RABGAP1L: variants seen among roughly 807,000 people sequenced by gnomAD.
RABGAP1L encodes the protein rab GTPase-activating protein 1-like.
Under a neutral mutation model 137.7 loss-of-function variants are expected in RABGAP1L, and 63 were observed. The observed-to-expected ratio is 0.46, with a 90% CI of 0.37 to 0.56. The LOEUF is 0.56. Ranked by LOEUF, RABGAP1L falls within the 20% of genes least tolerant of loss-of-function variation. RABGAP1L has a pLI of 0.00. For missense variants in RABGAP1L, 1,095 were observed against 1,244.0 expected (o/e 0.88, Z 1.80); for synonymous variants, 431 against 433.7 (o/e 0.99, Z 0.08).
intron 14 of RABGAP1L, among the ~76,000 whole-genome samples, chr1:174,644,027 G>A (rs1006957347): frequency 3.3e-5 from 5 of 151,668 alleles, no homozygotes; most frequent in Admixed American, 2.6e-4. Flanking sequence ...TATTGTATTT[G>A]TTAGTATCAT....
chr1:174,882,828 A>G (rs1654457045), intron 19 of RABGAP1L, among the ~76,000 whole-genome samples: 1 of 151,404 alleles, frequency 6.6e-6, no homozygotes, highest in Non-Finnish European at 1.5e-5. Context: ...AGAACATAAG[A>G]GCTTTTTTTT....
chr1:174,718,213 A>G, intron 17 of RABGAP1L, among the ~76,000 whole-genome samples: 1 of 152,108 alleles, frequency 6.6e-6, no homozygotes, highest in East Asian at 1.9e-4. Flanking sequence ...TTGGTTATTC[A>G]ATCTCACCTA....
chr1:174,238,085 A>T (rs376201225), intron 4 of RABGAP1L, among the ~76,000 whole-genome samples: 1 of 151,960 alleles, frequency 6.6e-6, no homozygotes, highest in Non-Finnish European at 1.5e-5. Flanking sequence ...CTTCTGCATT[A>T]TTCACGTAGT....
At chr1:174,303,866 T>C (rs12069450) in intron 10 of RABGAP1L, among the ~76,000 whole-genome samples, 9,569 of 152,242 alleles carry the variant, frequency 0.063, 973 homozygotes, top group African/African-American at 0.21. Context: ...AAGACAGTTA[T>C]ATTGTTTGTA....
chr1:174,853,568 A>G lies in RABGAP1L; in HGVS notation c.2340+41608A>G, dbSNP rs574331612. On this transcript the variant is annotated intron_variant, in intron 19 of 25. Transcript: ENST00000681986. ...AACACGGTGAAACCCTGTCTCTACT[A>G]AAAATACAAAAAATTAGCCAGGCAT... is the stretch of plus-strand genomic sequence containing the variant. Among the ~76,000 whole-genome samples the G allele has an allele frequency of 2.0e-5, 3 of 152,232 alleles. No individual in the cohort carries two copies. In the South Asian group the frequency reaches 6.2e-4, roughly 32 times the overall value.
chr1:174,422,764 A>T (rs1013300758), intron 13 of RABGAP1L, among the ~76,000 whole-genome samples: 5 of 152,024 alleles, frequency 3.3e-5, no homozygotes, highest in African/African-American at 1.2e-4. Context: ...CTTGGCCAAC[A>T]TGGTGAAACT....
At chr1:174,580,531 A>G (rs1668662856) in intron 13 of RABGAP1L, among the ~76,000 whole-genome samples, 1 of 152,116 alleles carries the variant, frequency 6.6e-6, no homozygotes, top group African/African-American at 2.4e-5. Flanking sequence ...TATCACAAGG[A>G]CAAAATCTAA....
intron 11 of RABGAP1L, among the ~76,000 whole-genome samples, chr1:174,345,939 G>GAAGGGATTTTGTATCC (rs1682387703): frequency 6.6e-6 from 1 of 151,704 alleles, no homozygotes; most frequent in Non-Finnish European, 1.5e-5. Context: ...GTTTTTTTTT[G>GAAGGGATTTTGTATCC]AGGGGTTTTA....
chr1:174,578,652 ACT>A, intron 13 of RABGAP1L, among the ~76,000 whole-genome samples: 1 of 152,186 alleles, frequency 6.6e-6, no homozygotes, highest in Non-Finnish European at 1.5e-5. Context: ...ATATAAATAA[ACT>A]GATCCACTGT....
At chr1:174,185,727 C>T (rs889920202) in intron 1 of RABGAP1L, among the ~76,000 whole-genome samples, 1 of 152,170 alleles carries the variant, frequency 6.6e-6, no homozygotes, top group African/African-American at 2.4e-5. Flanking sequence ...CCTTCCTGCA[C>T]CCCCTTTGAA....
chr1:174,213,197 G>A (rs941660084), intron 1 of RABGAP1L, among the ~76,000 whole-genome samples: 64 of 152,196 alleles, frequency 4.2e-4, no homozygotes, highest in African/African-American at 1.5e-3. Context: ...GGCTGAGGTG[G>A]GTGGATCACC....
chr1:174,503,677 A>T lies in RABGAP1L; in HGVS notation c.1710+109532A>T, dbSNP rs925013138. 1.4e-5 allele frequency among the ~76,000 whole-genome samples: 2 copies of T among 148,044 alleles called. 1 individual carries two copies. On this transcript the variant is annotated intron_variant, in intron 13 of 25. Transcript: ENST00000681986. ...CTCCGTCAAAAAAAAAAAAAAAAAG[A>T]AATGTAAATACAAAAAAAATCAGTT...
chr1:174,513,103 A>T (rs1662499145), intron 13 of RABGAP1L, among the ~76,000 whole-genome samples: 1 of 152,206 alleles, frequency 6.6e-6, no homozygotes, highest in African/African-American at 2.4e-5. Context: ...TATTATAGCC[A>T]AATGATGCTT....
At chr1:174,542,250 G>A (rs1429318778) in intron 13 of RABGAP1L, among the ~76,000 whole-genome samples, 2 of 152,124 alleles carry the variant, frequency 1.3e-5, no homozygotes, top group Non-Finnish European at 2.9e-5. Context: ...GTAAGCTATT[G>A]ATTATTGCCT....
intron 19 of RABGAP1L, chr1:174,849,722 C>T (rs567226115): frequency 4.9e-4 from 220 of 451,216 alleles, no homozygotes; most frequent in African/African-American, 1.8e-3. Flanking sequence ...CTTCTGAATT[C>T]GCATCTTTCT....
Position 174,761,105 on chromosome 1 carries a change from G to A in RABGAP1L, c.2211+8751G>A, listed in dbSNP as rs1391330345. On this transcript the variant is annotated intron_variant, in intron 18 of 25. Coordinates refer to ENST00000681986, the MANE Select transcript of RABGAP1L (RefSeq NM_001366446.1). The surrounding 1 kb of genome is among the most constrained non-coding windows in gnomAD (Gnocchi z 4.0). ...AGGTTTAATGGACTTACAGTTCCAC[G>A]TGGCTGGGCCAGGCCTCACAATCAT... Among the ~76,000 whole-genome samples, 4 of 152,186 alleles carry A rather than the reference G, an allele frequency of 2.6e-5. No homozygotes were observed. The highest frequency in any genetic ancestry group is 5.9e-5 in the Non-Finnish European group (4 of 68,036).
intron 13 of RABGAP1L, among the ~76,000 whole-genome samples, chr1:174,615,507 G>A (rs535745812): frequency 5.9e-5 from 9 of 152,196 alleles, no homozygotes; most frequent in Non-Finnish European, 1.3e-4. Flanking sequence ...CTCCCAGTTA[G>A]GCTTCTCAGG....
chr1:174,615,306 A>C (rs1671710500), intron 13 of RABGAP1L, among the ~76,000 whole-genome samples: 1 of 152,202 alleles, frequency 6.6e-6, no homozygotes, highest in Admixed American at 6.5e-5. Flanking sequence ...CAGGACCCTC[A>C]GCTGCAGGTC....
intron 14 of RABGAP1L, among the ~76,000 whole-genome samples, chr1:174,679,407 A>G (rs1677884449): frequency 6.6e-6 from 1 of 152,230 alleles, no homozygotes; most frequent in South Asian, 2.1e-4. Flanking sequence ...TCAGCAACGT[A>G]AGAATAGAGA....
Sources: allele counts gnomAD v4.1 joint callset (sites outside exome capture counted in the v4.1 genomes callset), GRCh38; gene constraint gnomAD v4.1.1; non-coding constraint Gnocchi (gnomAD v3.1); transcripts MANE v1.5; gene names NCBI Gene and HGNC (gene_info 2026-07-23, HGNC 2026-07-21).